The following CUBN variants were observed in gnomAD, a reference collection of about 807,000 sequenced individuals.
The protein encoded by CUBN is 460 kDa receptor.
In CUBN, 282 loss-of-function variants were observed where a neutral mutation model predicts 405.3. That is an observed-to-expected ratio of 0.70 (90% confidence interval 0.63 to 0.77). CUBN has a LOEUF of 0.77. CUBN is among the 30% of genes least tolerant of loss of function. The probability of loss-of-function intolerance (pLI) is 0.00; values close to 1 mark genes in which losing one functional copy is unlikely to be tolerated. For synonymous variants in CUBN, 1,684 were observed against 1,617.0 expected, an observed-to-expected ratio of 1.04 and a Z score of -0.99; for missense variants, 4,514 against 4,475.2, an observed-to-expected ratio of 1.01 and a Z score of -0.25.
chr10:17,099,137 C>T (rs999593430), intron 14 of CUBN, among the ~76,000 whole-genome samples: 17 of 151,848 alleles, frequency 1.1e-4, no homozygotes, highest in African/African-American at 4.1e-4. Context: ...AGAAGTTAAG[C>T]CTAGGTAGCA....
At chr10:16,863,877 C>A (rs1279934985) in intron 59 of CUBN, among the ~76,000 whole-genome samples, 1 of 152,096 alleles carries the variant, frequency 6.6e-6, no homozygotes, top group Non-Finnish European at 1.5e-5. Context: ...AGACATTTTC[C>A]AGATGTTAAG....
At chr10:16,845,590 G>T (rs1233143216) in intron 60 of CUBN, among the ~76,000 whole-genome samples, 3 of 152,250 alleles carry the variant, frequency 2.0e-5, no homozygotes, top group Non-Finnish European at 4.4e-5. Flanking sequence ...AGCTCTACAA[G>T]AGCAGGAGTT....
chr10:16,878,037 C>G (rs1840562045), intron 56 of CUBN, among the ~76,000 whole-genome samples: 1 of 152,220 alleles, frequency 6.6e-6, no homozygotes. Flanking sequence ...CCTATAATCC[C>G]AGCACTTTGG....
intron 50 of CUBN, among the ~76,000 whole-genome samples, chr10:16,905,630 C>T (rs1328290542): frequency 3.9e-5 from 6 of 152,090 alleles, no homozygotes; most frequent in South Asian, 2.1e-4. Context: ...AGTCACATGC[C>T]GGGAAACGAA....
intron 60 of CUBN, among the ~76,000 whole-genome samples, chr10:16,847,202 C>T (rs2131330855): frequency 6.6e-6 from 1 of 152,290 alleles, no homozygotes; most frequent in African/African-American, 2.4e-5. Flanking sequence ...CCTGTAATCC[C>T]AGCACTTTGG....
intron 28 of CUBN, among the ~76,000 whole-genome samples, chr10:16,994,850 G>T (rs117688784): frequency 0.017 from 2,518 of 152,252 alleles, 33 homozygotes; most frequent in Non-Finnish European, 0.026. Context: ...AACACTTTAG[G>T]AGACCAAGGT....
chr10:16,900,770 A>T lies in CUBN; in HGVS notation c.8265T>A (p.Pro2755=), dbSNP rs1485310526. Residue 2755 remains proline (P), a synonymous_variant, in exon 53 of 67, where the codon CCT becomes CCA. Transcript: ENST00000377833. ...AGTATTGTCCTATGATGGGTGATTC[A>T]GGGGACCCACCATTCCTGACAGTGA... The part of the protein sequence containing the change: ...DSVTVRNGGS[P]ESPIIGQYCG... 1.2e-6 allele frequency: 2 copies of T among 1,613,886 alleles called. No homozygotes were observed. The highest frequency in any genetic ancestry group is 2.2e-5 in the East Asian group (1 of 44,896).
Position 17,104,472 on chromosome 10 carries a change from C to G in CUBN, c.1364G>C (p.Ser455Thr). The change falls in exon 12 of 67, where the codon AGT (serine) becomes ACT (threonine). Residue 455 changes from serine (S) to threonine (T), a missense_variant. By Grantham distance (58) the Ser-to-Thr change is moderately conservative. This residue lies in a region of CUBN where 1,448 missense variants were observed against 1,388.0 expected (regional missense o/e 1.04). Transcript: ENST00000377833. ...AGTCCAGAGACGTGTGCATTCACAACTGAAAGAATCAACGCCATCAACACA... is the reference window on the plus strand; with the variant it reads ...AGTCCAGAGACGTGTGCATTCACAAGTGAAAGAATCAACGCCATCAACACA... ...GTCVDGVDSF[S>T]CECTRLWTGA... The G allele has an allele frequency of 1.9e-6, 3 of 1,614,036 alleles. No individual in the cohort carries two copies. The highest frequency in any genetic ancestry group is 2.5e-6 in the Non-Finnish European group (3 of 1,180,006).
intron 34 of CUBN, among the ~76,000 whole-genome samples, chr10:16,949,603 CT>C (rs200038448): frequency 0.018 from 2,698 of 149,984 alleles, 141 homozygotes; most frequent in Admixed American, 0.12. Context: ...TAATTAAGTG[CT>C]TTTTTTTTCG....
Position 17,100,145 on chromosome 10 carries a change from G to T in CUBN, c.1625C>A (p.Ala542Asp). ...LQVYDGDSSS[A>D]FQLGRFCGSS... ...GCCACAAAATCTTCCAAGTTGAAAA[G>T]CAGAAGAGGAATCTCCATCATAAAC... Residue 542 changes from alanine (A) to aspartate (D), a missense_variant, in exon 14 of 67, where the codon GCT (alanine) becomes GAT (aspartate). By Grantham distance (126) the Ala-to-Asp change is moderately radical (BLOSUM62 -2). This residue lies in a region of CUBN where 1,448 missense variants were observed against 1,388.0 expected (regional missense o/e 1.04). Coordinates refer to ENST00000377833, the MANE Select transcript of CUBN (RefSeq NM_001081.4). 1 of 1,613,854 alleles carries T rather than the reference G, an allele frequency of 6.2e-7. No homozygotes were observed. Among genetic ancestry groups the T allele is most frequent in the Non-Finnish European group, 8.5e-7 (1 of 1,179,798 alleles).
At chr10:16,853,471 C>A (rs1193338786) in intron 59 of CUBN, among the ~76,000 whole-genome samples, 2 of 152,176 alleles carry the variant, frequency 1.3e-5, no homozygotes, top group African/African-American at 4.8e-5. Context: ...CTCTCCTGAA[C>A]CCTGTCTGTA....
chr10:17,119,750 G>T (rs10508521), intron 6 of CUBN, among the ~76,000 whole-genome samples: 110 of 152,160 alleles, frequency 7.2e-4, no homozygotes, highest in South Asian at 1.9e-3. Flanking sequence ...GAGAAGTGGC[G>T]AAATGTAATT....
chr10:17,110,406 G>A (rs1379781375), intron 9 of CUBN, among the ~76,000 whole-genome samples: 1 of 152,120 alleles, frequency 6.6e-6, no homozygotes, highest in Non-Finnish European at 1.5e-5. Context: ...AAAGTTTGTT[G>A]TTTTCTACTG....
chr10:17,070,497 AT>A (rs1359603044), intron 19 of CUBN, among the ~76,000 whole-genome samples: 1 of 152,196 alleles, frequency 6.6e-6, no homozygotes, highest in Admixed American at 6.5e-5. Context: ...ATCCATGAAC[AT>A]TAAATGTCTT....
intron 51 of CUBN, 46 bp from the exon 52 acceptor site, chr10:16,901,505 AAG>A (rs767194041): frequency 3.1e-6 from 5 of 1,611,406 alleles, no homozygotes; most frequent in Non-Finnish European, 4.2e-6. Flanking sequence ...AAGTAAAAAA[AAG>A]AACCGATAAT....
intron 34 of CUBN, among the ~76,000 whole-genome samples, chr10:16,949,424 T>G (rs901316073): frequency 1.4e-5 from 2 of 146,548 alleles, no homozygotes; most frequent in Non-Finnish European, 3.0e-5. Context: ...GGAGAAAGCT[T>G]AAATGGCCTG....
Position 16,831,406 on chromosome 10 carries a change from T to C in CUBN, c.10374A>G (p.Gly3458=), listed in dbSNP as rs369280863. ...CRNDFLEVRN[G]SNSNSPLLGK... is the part of the protein sequence containing the mutation. ...CCAGTAATGGTGAATTGCTGTTACTTCCATTTCTCACCTTTAGGAAGGAGT... is the reference window on the plus strand; with the variant it reads ...CCAGTAATGGTGAATTGCTGTTACTCCCATTTCTCACCTTTAGGAAGGAGT... Residue 3458 remains glycine, a synonymous_variant, in exon 65 of 67, where the codon GGA becomes GGG. Transcript: ENST00000377833. The C allele has an allele frequency of 3.1e-6, 5 of 1,613,732 alleles. No homozygotes were observed. Among genetic ancestry groups the C allele is most frequent in the Non-Finnish European group, 4.2e-6 (5 of 1,179,724 alleles).
chr10:17,021,753 C>T (rs1310416228), intron 27 of CUBN, among the ~76,000 whole-genome samples: 3 of 151,746 alleles, frequency 2.0e-5, no homozygotes, highest in African/African-American at 4.9e-5. Context: ...GCCCCTAATC[C>T]CTGCAGTCAG....
At chr10:17,083,148 T>C (rs1271998588) in intron 17 of CUBN, among the ~76,000 whole-genome samples, 1 of 152,180 alleles carries the variant, frequency 6.6e-6, no homozygotes, top group Non-Finnish European at 1.5e-5. Context: ...TAAGAGACTT[T>C]AGAAAACCTA....
Sources: allele counts gnomAD v4.1 joint callset (sites outside exome capture counted in the v4.1 genomes callset), GRCh38; gene constraint gnomAD v4.1.1; regional missense constraint gnomAD v4.1.1; transcripts MANE v1.5; gene names NCBI Gene and HGNC (gene_info 2026-07-23, HGNC 2026-07-21).